MALRD1: variants seen among roughly 807,000 people sequenced by gnomAD.
MALRD1 encodes MAM and LDL receptor class A domain containing 1.
In MALRD1, 247 loss-of-function variants were observed where a neutral mutation model predicts 242.1. The observed-to-expected ratio is 1.02, with a 90% CI of 0.92 to 1.13. The LOEUF is 1.13. MALRD1 is among the 50% of genes most tolerant of loss of function. The pLI is 0.00. For synonymous variants in MALRD1, 995 were observed against 866.6 expected, an observed-to-expected ratio of 1.15 and a Z score of -2.60; for missense variants, 2,989 against 2,533.1, an observed-to-expected ratio of 1.18 and a Z score of -3.86.
rs1281384183 is a variant in MALRD1, at chr10:19,066,754, C to A, written c.235C>A (p.Leu79Ile). Residue 79 changes from leucine to isoleucine, a missense_variant, in exon 2 of 40, where the codon CTC becomes ATC. By Grantham distance (5) the Leu-to-Ile change is conservative. Coordinates refer to ENST00000454679, the MANE Select transcript of MALRD1 (RefSeq NM_001142308.3). ...TGAAAGATGTGATTTTGAGGATGGT[C>A]TCTGTCATATGACTCAAGATCAGAG... is the stretch of plus-strand genomic sequence containing the variant. ...NYERCDFEDG[L>I]CHMTQDQSLQ... 8.1e-7 allele frequency: 1 copy of A among 1,233,558 alleles called. No homozygotes were observed. The highest frequency in any genetic ancestry group is 1.0e-6 in the Non-Finnish European group (1 of 988,010). 76.4% of individuals were successfully genotyped at this position (1,233,558 alleles called of 1,614,324 possible). A position where few individuals can be genotyped will look rare whatever the true frequency, so the allele number is the denominator to read the frequency against.
At chr10:19,311,646 T>C (rs1022407021) in intron 21 of MALRD1, among the ~76,000 whole-genome samples, 1 of 151,484 alleles carries the variant, frequency 6.6e-6, no homozygotes. Context: ...TCTGTCAATA[T>C]AATCAACACT....
chr10:19,662,503 C>T (rs936954480), intron 36 of MALRD1, among the ~76,000 whole-genome samples: 1 of 152,046 alleles, frequency 6.6e-6, no homozygotes, highest in African/African-American at 2.4e-5. Flanking sequence ...TTTGAGGAAT[C>T]CAAAGGACTC....
chr10:19,088,232 T>C (rs1429621271), intron 4 of MALRD1, 47 bp downstream of exon 4: 2 of 1,224,604 alleles, frequency 1.6e-6, no homozygotes, highest in Non-Finnish European at 2.0e-6. Flanking sequence ...AAAAATAAGA[T>C]ACAGATCTTT....
intron 29 of MALRD1, among the ~76,000 whole-genome samples, chr10:19,452,278 T>G (rs1835374587): frequency 6.6e-6 from 1 of 152,208 alleles, no homozygotes; most frequent in African/African-American, 2.4e-5. Flanking sequence ...GCTAGTCTCA[T>G]GTAGAAGTCT....
chr10:19,389,167 A>G (rs1304397551), intron 27 of MALRD1: 4 of 479,282 alleles, frequency 8.3e-6, no homozygotes, highest in South Asian at 1.7e-5. Flanking sequence ...GGAAATCTAT[A>G]AAATAATTTT....
Position 19,105,654 on chromosome 10 carries a change from A to G in MALRD1, c.694+1579A>G, listed in dbSNP as rs553530014. On this transcript the variant is annotated intron_variant, in intron 5 of 39. Transcript: ENST00000454679. ...TAATCTACATTTCTACCAACAGTATATAAGTATTCCCATTTATCCACATCC... is the reference window on the plus strand; with the variant it reads ...TAATCTACATTTCTACCAACAGTATGTAAGTATTCCCATTTATCCACATCC... Among the ~76,000 whole-genome samples, 6 of 152,192 alleles carry G rather than the reference A, an allele frequency of 3.9e-5. No homozygotes were observed. The South Asian group carries it at 1.0e-3, about 26-fold the overall frequency.
At chr10:19,255,024 C>G (rs1278713473) in intron 18 of MALRD1, among the ~76,000 whole-genome samples, 3 of 151,908 alleles carry the variant, frequency 2.0e-5, no homozygotes, top group African/African-American at 7.3e-5. Context: ...TGCTAGAGCC[C>G]CATTAATGTT....
chr10:19,483,267 T>G (rs1406785745), intron 29 of MALRD1, among the ~76,000 whole-genome samples: 2 of 150,462 alleles, frequency 1.3e-5, no homozygotes, highest in Non-Finnish European at 3.0e-5. Flanking sequence ...AATTTATGAC[T>G]AAGTCCTCAA....
At chr10:19,673,988 G>A (rs1842038204) in intron 36 of MALRD1, among the ~76,000 whole-genome samples, 1 of 152,004 alleles carries the variant, frequency 6.6e-6, no homozygotes, top group South Asian at 2.1e-4. Context: ...AAGAGAATTA[G>A]GGCAAGCATA....
intron 36 of MALRD1, among the ~76,000 whole-genome samples, chr10:19,654,969 CTATTAATA>C (rs1016669238): frequency 1.3e-5 from 2 of 152,058 alleles, no homozygotes; most frequent in African/African-American, 4.8e-5. Context: ...ACATTATTTC[CTATTAATA>C]ATAAGTTTAA....
intron 38 of MALRD1, among the ~76,000 whole-genome samples, chr10:19,700,787 G>T (rs949999959): frequency 2.6e-5 from 4 of 152,050 alleles, no homozygotes; most frequent in African/African-American, 9.7e-5. Flanking sequence ...CAGTCTTAGT[G>T]ATCTTTTGAG....
rs1259308988 is a variant in MALRD1, at chr10:19,595,298, T to A, written c.5785T>A (p.Cys1929Ser). 1 of 1,550,726 alleles carries A rather than the reference T, an allele frequency of 6.4e-7. No homozygotes were observed. The highest frequency in any genetic ancestry group is 8.7e-7 in the Non-Finnish European group (1 of 1,147,016). ...AGGGAAATGTGATGGACATGAAGACTGCATAGATGGATCTGATGAAATGGA... is the reference window on the plus strand; with the variant it reads ...AGGGAAATGTGATGGACATGAAGACAGCATAGATGGATCTGATGAAATGGA... ...LSGKCDGHEDCIDGSDEMDCP... is the reference protein window; with the variant it reads ...LSGKCDGHEDSIDGSDEMDCP... Residue 1929 changes from cysteine (C) to serine (S), a missense_variant, in exon 34 of 40, where the codon TGC (cysteine) becomes AGC (serine). Transcript: ENST00000454679.
chr10:19,531,108 A>G (rs1444786608), intron 31 of MALRD1, 86 bp from the exon 32 acceptor site: 1 of 1,149,044 alleles, frequency 8.7e-7, no homozygotes. Flanking sequence ...ATAAGGATAA[A>G]AAGATATCTG....
intron 14 of MALRD1, among the ~76,000 whole-genome samples, chr10:19,201,542 A>G (rs979548452): frequency 1.3e-5 from 2 of 152,194 alleles, no homozygotes; most frequent in African/African-American, 4.8e-5. Flanking sequence ...TTACATAACA[A>G]TAACTCCTAG....
intron 38 of MALRD1, among the ~76,000 whole-genome samples, chr10:19,727,612 A>C (rs75668722): frequency 6.6e-6 from 1 of 152,066 alleles, no homozygotes; most frequent in Admixed American, 6.5e-5. Flanking sequence ...CCTCTACTCA[A>C]AATTTCTAAG....
chr10:19,072,733 A>G (rs1376024034), intron 2 of MALRD1, among the ~76,000 whole-genome samples: 4 of 152,168 alleles, frequency 2.6e-5, no homozygotes, highest in Non-Finnish European at 4.4e-5. Context: ...CTGTATCAGA[A>G]TCAGCTTTAT....
chr10:19,227,918 C>T (rs1837870514), intron 18 of MALRD1, among the ~76,000 whole-genome samples: 1 of 152,100 alleles, frequency 6.6e-6, no homozygotes, highest in South Asian at 2.1e-4. Flanking sequence ...CATTGAGATA[C>T]CACTGTACAC....
chr10:19,198,950 A>G (rs1216201260), intron 14 of MALRD1, among the ~76,000 whole-genome samples: 4 of 152,228 alleles, frequency 2.6e-5, no homozygotes, highest in Non-Finnish European at 5.9e-5. Context: ...CTTCAAACAC[A>G]TAACCATTAG....
At chr10:19,103,939 T>G in intron 4 of MALRD1, 40 bp from the exon 5 acceptor site, 3 of 1,136,096 alleles carry the variant, frequency 2.6e-6, no homozygotes, top group Non-Finnish European at 3.3e-6. Flanking sequence ...GTTCCTTGCT[T>G]TATGTTTTTG....
Sources: allele counts gnomAD v4.1 joint callset (sites outside exome capture counted in the v4.1 genomes callset), GRCh38; gene constraint gnomAD v4.1.1; transcripts MANE v1.5; gene names NCBI Gene and HGNC (gene_info 2026-07-23, HGNC 2026-07-21).